The following KIAA0825 variants were observed in gnomAD, a reference collection of about 807,000 sequenced individuals.
The protein encoded by KIAA0825 is uncharacterized protein KIAA0825.
KIAA0825 carries 119 observed loss-of-function variants against 147.6 expected under a neutral mutation model. The ratio of observed to expected loss-of-function variants is 0.81; its 90% CI spans 0.69 to 0.94. The LOEUF (loss-of-function observed/expected upper bound fraction) is 0.94. KIAA0825 is among the 40% of genes least tolerant of loss of function. The pLI is 0.00. For missense variants in KIAA0825, 1,381 were observed against 1,472.7 expected, an observed-to-expected ratio of 0.94 and a Z score of 1.02; for synonymous variants, 470 against 518.1, an observed-to-expected ratio of 0.91 and a Z score of 1.26.
At chr5:94,527,350 C>T (rs879400839) in intron 3 of KIAA0825, among the ~76,000 whole-genome samples, 3 of 151,796 alleles carry the variant, frequency 2.0e-5, no homozygotes, top group Admixed American at 6.6e-5. Context: ...GAAACTTCAG[C>T]TTATTATAAA....
intron 20 of KIAA0825, among the ~76,000 whole-genome samples, chr5:94,338,836 C>T (rs1346860325): frequency 6.6e-6 from 1 of 151,974 alleles, no homozygotes; most frequent in Non-Finnish European, 1.5e-5. Flanking sequence ...TGTATAAACA[C>T]ATTTAAAAAT....
At chr5:94,478,251 T>TA (rs771706019) in intron 6 of KIAA0825, among the ~76,000 whole-genome samples, 1 of 152,194 alleles carries the variant, frequency 6.6e-6, no homozygotes, top group East Asian at 1.9e-4. Flanking sequence ...GCGTTAAAGG[T>TA]AAAAATTCCA....
At chr5:94,334,037 T>C (rs536172969) in intron 20 of KIAA0825, among the ~76,000 whole-genome samples, 1 of 151,718 alleles carries the variant, frequency 6.6e-6, no homozygotes. Context: ...CAAAGTAATT[T>C]ATACATTCAA....
intron 20 of KIAA0825, among the ~76,000 whole-genome samples, chr5:94,166,978 T>C (rs1384358164): frequency 6.6e-6 from 1 of 152,160 alleles, no homozygotes; most frequent in Non-Finnish European, 1.5e-5. Context: ...TTATGAGTAT[T>C]ATGATTCAGG....
chr5:94,519,144 T>C (rs1417402595), intron 5 of KIAA0825: 1 of 805,784 alleles, frequency 1.2e-6, no homozygotes, highest in Non-Finnish European at 1.5e-6. Context: ...CAATGAGATA[T>C]AGCTTCTGGA....
At chr5:94,251,960 A>G (rs1263476973) in intron 20 of KIAA0825, among the ~76,000 whole-genome samples, 1 of 152,046 alleles carries the variant, frequency 6.6e-6, no homozygotes, top group Non-Finnish European at 1.5e-5. Flanking sequence ...TTTTTTCATT[A>G]TGGATATTTT....
At chr5:94,358,351 G>T (rs183970116) in intron 20 of KIAA0825, among the ~76,000 whole-genome samples, 42 of 152,316 alleles carry the variant, frequency 2.8e-4, no homozygotes, top group African/African-American at 9.1e-4. Context: ...TAAACCAAAG[G>T]TCTGTGGCTA....
intron 17 of KIAA0825, among the ~76,000 whole-genome samples, chr5:94,392,935 C>T (rs920788231): frequency 1.3e-5 from 2 of 148,228 alleles, no homozygotes; most frequent in East Asian, 2.0e-4. Context: ...GACCTTTTTA[C>T]AATAAAATAA....
intron 15 of KIAA0825, chr5:94,413,342 A>G (rs1053315967): frequency 3.9e-5 from 6 of 152,180 alleles, no homozygotes; most frequent in Non-Finnish European, 5.9e-5. Context: ...AGACTTATAC[A>G]CTAGTATTCA....
At chr5:94,543,551 C>T (rs1773750333) in intron 2 of KIAA0825, among the ~76,000 whole-genome samples, 1 of 152,138 alleles carries the variant, frequency 6.6e-6, no homozygotes, top group Non-Finnish European at 1.5e-5. Context: ...CTTACTGATT[C>T]CTACTGATGC....
chr5:94,293,671 A>G (rs982297492), intron 20 of KIAA0825, among the ~76,000 whole-genome samples: 7 of 152,054 alleles, frequency 4.6e-5, no homozygotes, highest in African/African-American at 1.7e-4. Context: ...AGCCTTGTTA[A>G]TTTTCTGTCT....
intron 20 of KIAA0825, among the ~76,000 whole-genome samples, chr5:94,377,017 C>A (rs1747678046): frequency 6.6e-6 from 1 of 152,114 alleles, no homozygotes; most frequent in African/African-American, 2.4e-5. Flanking sequence ...ACAATATTTT[C>A]TGCCCTCTAC....
chr5:94,422,109 C>T (rs1754258530), intron 14 of KIAA0825, among the ~76,000 whole-genome samples: 1 of 152,092 alleles, frequency 6.6e-6, no homozygotes, highest in Admixed American at 6.6e-5. Context: ...ATGCACTACC[C>T]CAAAATATGG....
chr5:94,156,637 T>C (rs771842508), intron 20 of KIAA0825, among the ~76,000 whole-genome samples: 1 of 152,184 alleles, frequency 6.6e-6, no homozygotes, highest in African/African-American at 2.4e-5. Flanking sequence ...TTTTGAAGCT[T>C]CATGACAATT....
At chr5:94,553,781 A>G (rs1048942114) in intron 2 of KIAA0825, among the ~76,000 whole-genome samples, 2 of 151,962 alleles carry the variant, frequency 1.3e-5, no homozygotes, top group Non-Finnish European at 2.9e-5. Flanking sequence ...CAACCAAAAA[A>G]AAAAAACAAA....
chr5:94,426,917 G>A (rs1239623090), intron 14 of KIAA0825, among the ~76,000 whole-genome samples: 3 of 152,120 alleles, frequency 2.0e-5, no homozygotes, highest in Non-Finnish European at 4.4e-5. Context: ...TTGTTAATCT[G>A]TCCTTTGTTA....
chr5:94,151,334 G>A lies in KIAA0825; in HGVS notation c.*2673C>T, dbSNP rs527857074. On this transcript the variant is annotated 3_prime_UTR_variant, in exon 21 of 21. Coordinates refer to ENST00000682413, the MANE Select transcript of KIAA0825 (RefSeq NM_001145678.3). The stretch of plus-strand genomic sequence containing the variant: ...CGGGAGGCTGAGGCAGGAGAATGGC[G>A]TGAACCCGGGAAGCGGAGCTTGCAG... Among the ~76,000 whole-genome samples, 130 of 148,400 alleles carry A rather than the reference G, an allele frequency of 8.8e-4. No homozygotes were observed. The highest frequency in any genetic ancestry group is 3.1e-3 in the African/African-American group (126 of 40,370).
chr5:94,532,319 G>GT (rs1226765426), intron 3 of KIAA0825, among the ~76,000 whole-genome samples: 3 of 151,724 alleles, frequency 2.0e-5, no homozygotes, highest in Non-Finnish European at 4.4e-5. Context: ...GCTAATTTTT[G>GT]TTTTTGTTTT....
intron 5 of KIAA0825, among the ~76,000 whole-genome samples, chr5:94,514,539 C>A (rs1766941387): frequency 6.6e-6 from 1 of 152,186 alleles, no homozygotes; most frequent in African/African-American, 2.4e-5. Context: ...TGATTTCATT[C>A]AGCAAGACAC....
Sources: allele counts gnomAD v4.1 joint callset (sites outside exome capture counted in the v4.1 genomes callset), GRCh38; gene constraint gnomAD v4.1.1; transcripts MANE v1.5; gene names NCBI Gene and HGNC (gene_info 2026-07-23, HGNC 2026-07-21).